Variants in CAPRIN1 observed in about 807,000 individuals in gnomAD.
The protein encoded by CAPRIN1 is cell cycle associated protein 1.
Under a neutral mutation model 100.9 loss-of-function variants are expected in CAPRIN1, and 29 were observed. The observed-to-expected ratio is 0.29, with a 90% CI of 0.21 to 0.39. The LOEUF (loss-of-function observed/expected upper bound fraction) is 0.39. CAPRIN1 is among the 10% of genes least tolerant of loss of function. The pLI is 1.00. For missense variants in CAPRIN1, 795 were observed against 876.7 expected (o/e 0.91, Z 1.18); for synonymous variants, 338 against 307.5 (o/e 1.10, Z -1.04).
At chr11:34,066,122 C>T (rs1334166416) in intron 2 of CAPRIN1, among the ~76,000 whole-genome samples, 7 of 151,938 alleles carry the variant, frequency 4.6e-5, no homozygotes, top group Admixed American at 3.9e-4. Flanking sequence ...ACTGCAGGTG[C>T]GCGCCACCAG....
intron 2 of CAPRIN1, among the ~76,000 whole-genome samples, chr11:34,070,415 G>A (rs1388920049): frequency 6.6e-6 from 1 of 152,270 alleles, no homozygotes; most frequent in East Asian, 1.9e-4. Context: ...CTTGGGGTGG[G>A]GAGCAGCATC....
intron 15 of CAPRIN1, among the ~76,000 whole-genome samples, chr11:34,094,961 C>G (rs536078767): frequency 3.9e-5 from 6 of 152,192 alleles, no homozygotes; most frequent in Admixed American, 3.9e-4. Context: ...CGGCTCACTA[C>G]AACTTCTTCC....
intron 15 of CAPRIN1, among the ~76,000 whole-genome samples, chr11:34,093,199 T>A (rs1739168046): frequency 6.7e-6 from 1 of 149,784 alleles, no homozygotes; most frequent in Admixed American, 6.6e-5. Flanking sequence ...TTTTTTTATA[T>A]ATATATTTTT....
chr11:34,069,534 T>C (rs1299341094), intron 2 of CAPRIN1, among the ~76,000 whole-genome samples: 1 of 152,068 alleles, frequency 6.6e-6, no homozygotes, highest in Non-Finnish European at 1.5e-5. Context: ...AGCTTATGAG[T>C]CTTCCCTTTT....
chr11:34,074,955 G>T (rs551225302), intron 4 of CAPRIN1, among the ~76,000 whole-genome samples: 3 of 152,266 alleles, frequency 2.0e-5, no homozygotes, highest in African/African-American at 7.2e-5. Flanking sequence ...TGAGGTGAGA[G>T]GATCGCTTGA....
chr11:34,058,816 A>T (rs1485199222), intron 2 of CAPRIN1, among the ~76,000 whole-genome samples: 3 of 152,208 alleles, frequency 2.0e-5, no homozygotes, highest in Non-Finnish European at 2.9e-5. Flanking sequence ...ACTCTACTCC[A>T]GCTTGGTATG....
At chr11:34,098,372 A>G in intron 18 of CAPRIN1, 5 of 985,186 alleles carry the variant, frequency 5.1e-6, no homozygotes, top group Non-Finnish European at 4.8e-6. Context: ...ACAGGTTTAG[A>G]GAGTTTTTTG....
In CAPRIN1 at chr11:34,102,553, A is replaced by G. The variant is rs1170879071; in HGVS notation, c.*3186A>G. Among the ~76,000 whole-genome samples, 1 of 152,208 alleles carries G rather than the reference A, an allele frequency of 6.6e-6. No homozygotes were observed. Among genetic ancestry groups the G allele is most frequent in the Non-Finnish European group, 1.5e-5 (1 of 68,036 alleles). On this transcript the variant is annotated 3_prime_UTR_variant, in exon 19 of 19. Transcript: ENST00000341394. ...TTTTTCCATTTTGAATCCTACAAAA[A>G]TACTGCAAAAGACTAGTGAATGTTT...
chr11:34,102,396 A>G lies in CAPRIN1; in HGVS notation c.*3029A>G, dbSNP rs763630180. 3.2e-4 allele frequency among the ~76,000 whole-genome samples: 49 copies of G among 152,312 alleles called. No individual in the cohort carries two copies. The highest frequency in any genetic ancestry group is 6.3e-4 in the Non-Finnish European group (43 of 68,016). On this transcript the variant is annotated 3_prime_UTR_variant, in exon 19 of 19. Coordinates refer to ENST00000341394, the MANE Select transcript of CAPRIN1 (RefSeq NM_005898.5). ...CACTTGGGTTGTTTTTAAGCATTCT[A>G]AATTTTAGTTGATTATAAGTTAGAT... is the stretch of plus-strand genomic sequence containing the variant.
intron 2 of CAPRIN1, chr11:34,053,201 C>T (rs1850368472): frequency 6.2e-6 from 6 of 973,076 alleles, no homozygotes; most frequent in Non-Finnish European, 7.3e-6. Flanking sequence ...ACTGCCTTTC[C>T]GGCAGGCCCA....
intron 9 of CAPRIN1, among the ~76,000 whole-genome samples, chr11:34,083,482 C>T (rs1022536456): frequency 6.6e-6 from 1 of 152,138 alleles, no homozygotes; most frequent in Admixed American, 6.5e-5. Flanking sequence ...TTCGGGTCCT[C>T]ATGTCTAGTT....
At chr11:34,099,172 G>T in intron 18 of CAPRIN1, 131 bp from the exon 19 acceptor site, 1 of 1,491,744 alleles carries the variant, frequency 6.7e-7, no homozygotes, top group South Asian at 1.3e-5. Context: ...GAACACTGAA[G>T]AATTGACCTC....
chr11:34,063,860 G>C (rs981042970), intron 2 of CAPRIN1, among the ~76,000 whole-genome samples: 4 of 152,052 alleles, frequency 2.6e-5, no homozygotes, highest in African/African-American at 9.7e-5. Flanking sequence ...GAGTGCAATG[G>C]TGTGATCTCA....
chr11:34,088,469 T>C (rs1403600356), intron 11 of CAPRIN1, among the ~76,000 whole-genome samples: 1 of 152,036 alleles, frequency 6.6e-6, no homozygotes, highest in Non-Finnish European at 1.5e-5. Context: ...GAGACCAGCC[T>C]GAGCAACATA....
chr11:34,067,397 A>G lies in CAPRIN1; in HGVS notation c.217-4329A>G, dbSNP rs73497061. ...AACTCATCAGTTCTTCACCTTTTAA[A>G]AATCTCAGTTATTGGATTGAAACAT... On this transcript the variant is annotated intron_variant, in intron 2 of 18. Transcript: ENST00000341394. Among the ~76,000 whole-genome samples, 419 of 152,328 alleles carry G rather than the reference A, an allele frequency of 2.8e-3. 3 individuals carry two copies. Among genetic ancestry groups the G allele is most frequent in the African/African-American group, 9.4e-3 (391 of 41,572 alleles).
chr11:34,097,786 A>G (rs1372601835), intron 18 of CAPRIN1, 25 bp downstream of exon 18: 8 of 1,613,966 alleles, frequency 5.0e-6, no homozygotes, highest in Middle Eastern at 1.7e-4. Context: ...TGGTGATCCT[A>G]GCTCCTAAGT....
At chr11:34,061,035 A>C (rs1331009745) in intron 2 of CAPRIN1, among the ~76,000 whole-genome samples, 3 of 152,078 alleles carry the variant, frequency 2.0e-5, no homozygotes, top group African/African-American at 7.2e-5. Flanking sequence ...GCTTCAATTC[A>C]CTCAGACTTA....
intron 2 of CAPRIN1, among the ~76,000 whole-genome samples, chr11:34,060,241 T>C (rs571123403): frequency 4.0e-5 from 6 of 149,230 alleles, no homozygotes; most frequent in African/African-American, 9.8e-5. Context: ...TAGCAAGATA[T>C]GTGAATGGTC....
intron 15 of CAPRIN1, among the ~76,000 whole-genome samples, chr11:34,095,314 A>G (rs1214016905): frequency 6.6e-6 from 1 of 152,224 alleles, no homozygotes; most frequent in Non-Finnish European, 1.5e-5. Flanking sequence ...ACCATTTTAC[A>G]AGGAAAATGT....
Sources: gnomAD v4.1 joint callset for allele counts (sites outside exome capture counted in the v4.1 genomes callset) on GRCh38, gnomAD v4.1.1 for gene constraint, MANE v1.5 for transcripts, NCBI Gene and HGNC (gene_info 2026-07-23, HGNC 2026-07-21) for gene names.